Variants in ESF1 observed in about 807,000 individuals in gnomAD.
The protein encoded by ESF1 is ESF1 nucleolar pre-rRNA processing protein.
ESF1 carries 58 observed loss-of-function variants against 92.0 expected under a neutral mutation model. That is an observed-to-expected ratio of 0.63 (90% CI 0.51 to 0.78). The LOEUF (loss-of-function observed/expected upper bound fraction) is 0.78. Among genes scored for constraint, ESF1 ranks in the 30% least tolerant of loss-of-function variants. The pLI, the probability that ESF1 is intolerant of heterozygous loss-of-function variation, is 0.00. For synonymous variants in ESF1, 321 were observed against 313.7 expected, an observed-to-expected ratio of 1.02 and a Z score of -0.24; for missense variants, 922 against 989.1, an observed-to-expected ratio of 0.93 and a Z score of 0.91.
Position 13,755,590 on chromosome 20 carries a change from G to A in ESF1, c.1828+4102C>T, listed in dbSNP as rs8122962. ...TACCTTTAGCAACGCATTGAGATAG[G>A]AAATACAACTTCACATACATCAAAA... On this transcript the variant is annotated intron_variant, in intron 9 of 13. Transcript: ENST00000617257. 3.1e-3 allele frequency among the ~76,000 whole-genome samples: 467 copies of A among 152,120 alleles called. 4 individuals are homozygous for A. Among genetic ancestry groups the A allele is most frequent in the African/African-American group, 0.011 (444 of 41,526 alleles).
intron 9 of ESF1, among the ~76,000 whole-genome samples, chr20:13,756,473 G>C (rs944563999): frequency 1.4e-4 from 21 of 152,262 alleles, no homozygotes; most frequent in Admixed American, 1.3e-3. Context: ...TTATAAGCTG[G>C]TACAACACTT....
rs763730604 is a variant in ESF1 at position 13,776,025 on chromosome 20, TATC to T, written c.880_882del (p.Asp294del). 1.5e-5 allele frequency: 24 copies of T among 1,614,020 alleles called. 1 individual carries two copies. The South Asian group carries it at 2.0e-4, about 13-fold the overall frequency. The stretch of plus-strand genomic sequence containing the variant: ...GCAAGATCAGGGCCACTGTCACTTT[TATC>T]ATCATCCTCACTATCCTCATCTTCA... On this transcript the variant is annotated inframe_deletion, in exon 3 of 14. Transcript: ENST00000617257.
At chr20:13,739,964 C>A (rs1476170933) in intron 9 of ESF1, among the ~76,000 whole-genome samples, 2 of 152,210 alleles carry the variant, frequency 1.3e-5, no homozygotes, top group Middle Eastern at 3.4e-3. Context: ...TCCCTTCCCC[C>A]ACAAATCAGA....
At chr20:13,773,008 G>A (rs1187669538) in intron 4 of ESF1, among the ~76,000 whole-genome samples, 2 of 152,118 alleles carry the variant, frequency 1.3e-5, no homozygotes, top group Non-Finnish European at 2.9e-5. Flanking sequence ...AACATATAAT[G>A]AAGATCAATT....
chr20:13,780,452 C>T (rs571179778), intron 2 of ESF1, among the ~76,000 whole-genome samples: 3 of 152,296 alleles, frequency 2.0e-5, no homozygotes, highest in Non-Finnish European at 4.4e-5. Flanking sequence ...GGATTCCTAT[C>T]CTTTCTTCCC....
chr20:13,746,639 C>T (rs927462402), intron 9 of ESF1, among the ~76,000 whole-genome samples: 1 of 152,144 alleles, frequency 6.6e-6, no homozygotes, highest in African/African-American at 2.4e-5. Flanking sequence ...ATTTTCTTCC[C>T]TGGAAGAGTT....
At chr20:13,780,315 T>C (rs1255702781) in intron 2 of ESF1, among the ~76,000 whole-genome samples, 3 of 152,238 alleles carry the variant, frequency 2.0e-5, no homozygotes, top group Non-Finnish European at 4.4e-5. Context: ...AAGGATTATA[T>C]AGCTATGTTA....
Position 13,782,390 on chromosome 20 carries a change from T to C in ESF1, c.637+114A>G, listed in dbSNP as rs552415504. Reference sequence around the variant, plus strand: ...ATAGCTTTGTATTTCCAGATAAGCATTTGACCATTCCATAATACTATGAAA... The same window carrying C: ...ATAGCTTTGTATTTCCAGATAAGCACTTGACCATTCCATAATACTATGAAA... On this transcript the variant is annotated intron_variant, in intron 2 of 13. Coordinates refer to ENST00000617257, the MANE Select transcript of ESF1 (RefSeq NM_001276380.2). 2.9e-5 allele frequency: 25 copies of C among 864,512 alleles called. No individual in the cohort carries two copies. In the South Asian group the frequency reaches 7.1e-4, roughly 25 times the overall value. The allele number at this position is 864,512 out of a possible 1,614,324, so 53.6% of individuals were successfully genotyped here.
At chr20:13,720,731 A>G (rs1159860692) in intron 11 of ESF1, among the ~76,000 whole-genome samples, 2 of 152,264 alleles carry the variant, frequency 1.3e-5, no homozygotes, top group Non-Finnish European at 2.9e-5. Flanking sequence ...TATGCATACA[A>G]AAGTAAAATG....
At chr20:13,731,077 T>C (rs1777969539) in intron 10 of ESF1, among the ~76,000 whole-genome samples, 5 of 152,140 alleles carry the variant, frequency 3.3e-5, no homozygotes, top group Admixed American at 3.3e-4. Flanking sequence ...TGAATGCTGC[T>C]GACCAACGAG....
In ESF1 at chr20:13,730,674, G is replaced by A. The variant is rs182080359; in HGVS notation, c.1951-2209C>T. On this transcript the variant is annotated intron_variant, in intron 10 of 13. Transcript: ENST00000617257. ...ACTGGGTTTACAAGCATGAGCCACC[G>A]CACCCAGCCAGAACAAGCGCTTCTA... Among the ~76,000 whole-genome samples, 741 of 151,282 alleles carry A rather than the reference G, an allele frequency of 4.9e-3. 6 individuals are homozygous for A. Among genetic ancestry groups the A allele is most frequent in the Non-Finnish European group, 7.5e-3 (506 of 67,838 alleles).
intron 9 of ESF1, among the ~76,000 whole-genome samples, chr20:13,739,775 AAGG>A (rs925745508): frequency 8.5e-5 from 13 of 152,156 alleles, no homozygotes; most frequent in South Asian, 2.1e-4. Flanking sequence ...GATTAGAAGC[AAGG>A]AGTTTTCCTT....
intron 12 of ESF1, among the ~76,000 whole-genome samples, chr20:13,717,917 T>G (rs1338205686): frequency 1.3e-5 from 2 of 152,186 alleles, no homozygotes; most frequent in Admixed American, 1.3e-4. Flanking sequence ...AATTATACTT[T>G]CTAAATGTGT....
At position 13,755,381 on chromosome 20, in the gene ESF1, T is replaced by C. The variant is rs1978845541; in HGVS notation, c.1828+4311A>G. ...TTGTTTATATTCAGCTTGCATTATCTACAAAAAATATTATGTAGATTAACT... is the reference window on the plus strand; with the variant it reads ...TTGTTTATATTCAGCTTGCATTATCCACAAAAAATATTATGTAGATTAACT... On this transcript the variant is annotated intron_variant, in intron 9 of 13. Transcript: ENST00000617257. 2.0e-5 allele frequency among the ~76,000 whole-genome samples: 3 copies of C among 152,232 alleles called. No individual in the cohort carries two copies. In the South Asian group the frequency reaches 6.2e-4, roughly 32 times the overall value.
intron 9 of ESF1, among the ~76,000 whole-genome samples, chr20:13,748,538 ATATGTG>A (rs1313532196): frequency 1.0e-4 from 8 of 76,280 alleles, no homozygotes; most frequent in African/African-American, 4.0e-4. Context: ...ATACACATAT[ATATGTG>A]TGTGTATATA....
intron 11 of ESF1, among the ~76,000 whole-genome samples, chr20:13,724,018 G>A (rs1042972249): frequency 1.3e-5 from 2 of 152,210 alleles, no homozygotes; most frequent in Admixed American, 6.5e-5. Context: ...AACTGGCTGG[G>A]TGTGGTGGCT....
Position 13,728,541 on chromosome 20 carries a change from G to T in ESF1, c.1951-76C>A, listed in dbSNP as rs2049918054. 1.0e-5 allele frequency: 12 copies of T among 1,171,576 alleles called. No homozygotes were observed. In the Middle Eastern group the frequency reaches 2.0e-3, roughly 198 times the overall value. 72.6% of individuals were successfully genotyped at this position (1,171,576 alleles called of 1,614,324 possible). A position where few individuals can be genotyped will look rare whatever the true frequency, so the allele number is the denominator to read the frequency against. On this transcript the variant is annotated intron_variant, in intron 10 of 13. Transcript: ENST00000617257. ...ATAAATGTATACCAAGAAAAACTATGCATTTCTTTTAAACCAAGTAGTTCA... is the reference window on the plus strand; with the variant it reads ...ATAAATGTATACCAAGAAAAACTATTCATTTCTTTTAAACCAAGTAGTTCA...
At chr20:13,726,637 T>C (rs931338770) in intron 11 of ESF1, among the ~76,000 whole-genome samples, 6 of 152,228 alleles carry the variant, frequency 3.9e-5, no homozygotes, top group Non-Finnish European at 7.3e-5. Context: ...CTAACATGTC[T>C]TTCTTTAAAC....
rs759212324 is a variant in ESF1, at chr20:13,771,413, C to G, written c.1321G>C (p.Asp441His). The change falls in exon 6 of 14, where the codon GAT (aspartate) becomes CAT (histidine). Residue 441 changes from aspartate to histidine, a missense_variant. Transcript: ENST00000617257. ...ATTTTACTAGCTGTTTCCGGAGAAT[C>G]ACAGTCTACTACTGCATAATAGTAC... ...LKYYYAVVDC[D>H]SPETASKIYE... is the part of the protein sequence containing the mutation. The G allele has an allele frequency of 6.2e-7, 1 of 1,613,038 alleles. No individual in the cohort carries two copies. The highest frequency in any genetic ancestry group is 1.1e-5 in the South Asian group (1 of 91,054).
Sources: gnomAD v4.1 joint callset for allele counts (sites outside exome capture counted in the v4.1 genomes callset) on GRCh38, gnomAD v4.1.1 for gene constraint, MANE v1.5 for transcripts, NCBI Gene and HGNC (gene_info 2026-07-23, HGNC 2026-07-21) for gene names.